The following TSHZ2 variants were observed in gnomAD, a reference collection of about 807,000 sequenced individuals.
TSHZ2 encodes teashirt zinc finger homeobox 2, also known as teashirt homolog 2.
Under a neutral mutation model 74.4 loss-of-function variants are expected in TSHZ2, and 21 were observed. That is an observed-to-expected ratio of 0.28 (90% CI 0.20 to 0.41). TSHZ2 has a LOEUF of 0.41. TSHZ2 is among the 10% of genes least tolerant of loss of function. TSHZ2 has a pLI of 1.00. For synonymous variants in TSHZ2, 540 were observed against 515.3 expected (o/e 1.05, Z -0.65); for missense variants, 1,244 against 1,293.5 (o/e 0.96, Z 0.59).
intron 1 of TSHZ2, among the ~76,000 whole-genome samples, chr20:53,182,709 A>C (rs1415708747): frequency 1.3e-5 from 2 of 152,158 alleles, no homozygotes; most frequent in Non-Finnish European, 2.9e-5. Flanking sequence ...ACCAACTACC[A>C]GGAGGGTTTT....
intron 2 of TSHZ2, among the ~76,000 whole-genome samples, chr20:53,458,458 T>A (rs1419303379): frequency 1.3e-5 from 2 of 152,212 alleles, no homozygotes; most frequent in Admixed American, 1.3e-4. Context: ...CTTTTTTTCT[T>A]TATTAGTCTT....
At chr20:53,441,984 G>A (rs1984351538) in intron 2 of TSHZ2, among the ~76,000 whole-genome samples, 1 of 152,192 alleles carries the variant, frequency 6.6e-6, no homozygotes, top group Admixed American at 6.5e-5. Flanking sequence ...ATATTCTAAA[G>A]AAAAGGATCA....
intron 2 of TSHZ2, among the ~76,000 whole-genome samples, chr20:53,402,818 A>G (rs1402053220): frequency 6.6e-6 from 1 of 152,178 alleles, no homozygotes; most frequent in Admixed American, 6.5e-5. Context: ...GGGTGGAGGA[A>G]GTGAGTGAGT....
In TSHZ2 at chr20:53,254,497, C is replaced by T; in HGVS notation, c.1039C>T (p.Gln347Ter). The part of the protein sequence containing the change: ...TGSFADSFSS[Q>*]KNANLQLSSN... ...ATCTTTTGCAGATTCTTTTTCTTCTCAGAAGAACGCCAACTTGCAGTTGTC... is the reference window on the plus strand; with the variant it reads ...ATCTTTTGCAGATTCTTTTTCTTCTTAGAAGAACGCCAACTTGCAGTTGTC... The change falls in exon 2 of 3, where the codon CAG (glutamine) becomes TAG (stop). Residue 347 changes from glutamine to a stop codon, truncating the protein, a stop_gained. Coordinates refer to ENST00000371497, the MANE Select transcript of TSHZ2 (RefSeq NM_173485.6). LOFTEE classifies it high-confidence loss of function. 6.2e-7 allele frequency: 1 copy of T among 1,614,086 alleles called. No homozygotes were observed. The highest frequency in any genetic ancestry group is 8.5e-7 in the Non-Finnish European group (1 of 1,179,952).
At chr20:53,315,714 GAT>G (rs1555849654) in intron 2 of TSHZ2, among the ~76,000 whole-genome samples, 1 of 152,186 alleles carries the variant, frequency 6.6e-6, no homozygotes, top group Non-Finnish European at 1.5e-5. Flanking sequence ...CAGTGAACAA[GAT>G]AGACATCACG....
At chr20:53,121,820 A>C (rs6097245) in intron 1 of TSHZ2, among the ~76,000 whole-genome samples, 1,587 of 152,246 alleles carry the variant, frequency 0.01, 29 homozygotes, top group African/African-American at 0.037. Flanking sequence ...GAGGTCATTA[A>C]ACAAGAGTAG....
intron 2 of TSHZ2, among the ~76,000 whole-genome samples, chr20:53,354,498 G>A (rs535566471): frequency 2.6e-5 from 4 of 152,332 alleles, no homozygotes; most frequent in African/African-American, 9.6e-5. Context: ...GACTCAAACT[G>A]AGCCACTGCA....
intron 2 of TSHZ2, among the ~76,000 whole-genome samples, chr20:53,447,541 T>C (rs933644118): frequency 7.2e-5 from 11 of 152,222 alleles, no homozygotes; most frequent in Non-Finnish European, 1.2e-4. Context: ...ACAGATCTTA[T>C]CTGAATTTTA....
At chr20:52,974,712 T>A (rs1427571347) in intron 1 of TSHZ2, among the ~76,000 whole-genome samples, 2 of 152,212 alleles carry the variant, frequency 1.3e-5, no homozygotes, top group Admixed American at 1.3e-4. Flanking sequence ...AGAGTGGGCA[T>A]CCCTTGTCTG....
At chr20:53,292,885 A>G (rs1321014921) in intron 2 of TSHZ2, among the ~76,000 whole-genome samples, 2 of 152,238 alleles carry the variant, frequency 1.3e-5, no homozygotes, top group African/African-American at 2.4e-5. Context: ...TCCAGTGAGT[A>G]GCAAGGCTCA....
At chr20:53,077,425 A>G (rs80304998) in intron 1 of TSHZ2, among the ~76,000 whole-genome samples, 1 of 143,352 alleles carries the variant, frequency 7.0e-6, no homozygotes, top group East Asian at 2.0e-4. Flanking sequence ...AAAAAAAAAA[A>G]AAGATAATAC....
intron 1 of TSHZ2, among the ~76,000 whole-genome samples, chr20:53,116,200 A>G (rs1428820175): frequency 2.0e-5 from 3 of 152,252 alleles, no homozygotes; most frequent in East Asian, 3.8e-4. Flanking sequence ...ATTGCATTAC[A>G]TTATATCATA....
chr20:52,979,652 T>C (rs1294990853), intron 1 of TSHZ2, among the ~76,000 whole-genome samples: 1 of 152,208 alleles, frequency 6.6e-6, no homozygotes, highest in Non-Finnish European at 1.5e-5. Flanking sequence ...AATGGCCATT[T>C]GGAATTTTCA....
At chr20:53,067,619 T>G (rs948295617) in intron 1 of TSHZ2, among the ~76,000 whole-genome samples, 1 of 152,224 alleles carries the variant, frequency 6.6e-6, no homozygotes, top group Admixed American at 6.5e-5. Context: ...CAGAGCCTTC[T>G]AAAGTACTTT....
intron 2 of TSHZ2, among the ~76,000 whole-genome samples, chr20:53,372,149 C>T (rs895704600): frequency 4.6e-5 from 7 of 152,062 alleles, no homozygotes; most frequent in Non-Finnish European, 8.8e-5. Flanking sequence ...AGGTTCCAAA[C>T]GGCCATCAAT....
chr20:53,032,029 A>G (rs1192024537), intron 1 of TSHZ2, among the ~76,000 whole-genome samples: 1 of 152,228 alleles, frequency 6.6e-6, no homozygotes, highest in Non-Finnish European at 1.5e-5. Flanking sequence ...TCTCTAAAAG[A>G]AAAGGATTTA....
At chr20:53,150,059 G>T (rs966751205) in intron 1 of TSHZ2, among the ~76,000 whole-genome samples, 1 of 152,196 alleles carries the variant, frequency 6.6e-6, no homozygotes, top group South Asian at 2.1e-4. Flanking sequence ...GGACACTGCG[G>T]TAAATGTTTT....
intron 2 of TSHZ2, among the ~76,000 whole-genome samples, chr20:53,437,198 C>T (rs1211989489): frequency 6.6e-6 from 1 of 152,130 alleles, no homozygotes; most frequent in Non-Finnish European, 1.5e-5. Flanking sequence ...TCAGGCCAGG[C>T]ACAGTAGCTC....
chr20:53,200,340 T>G (rs1480049798), intron 1 of TSHZ2, among the ~76,000 whole-genome samples: 2 of 152,104 alleles, frequency 1.3e-5, no homozygotes, highest in African/African-American at 4.8e-5. Context: ...AGGTGAGCCT[T>G]CACCTGAAAA....
Sources: gnomAD v4.1 joint callset for allele counts (sites outside exome capture counted in the v4.1 genomes callset) on GRCh38, gnomAD v4.1.1 for gene constraint, MANE v1.5 for transcripts, NCBI Gene and HGNC (gene_info 2026-07-23, HGNC 2026-07-21) for gene names.